The following TENM2 variants were observed in gnomAD, a reference collection of about 807,000 sequenced individuals.
The protein encoded by TENM2 is teneurin transmembrane protein 2, also known as teneurin-2.
A neutral mutation model predicts 245.2 loss-of-function variants in TENM2; 52 were observed. The observed-to-expected ratio is 0.21, with a 90% CI of 0.17 to 0.27. The LOEUF (loss-of-function observed/expected upper bound fraction) is 0.27, where lower values mean the gene tolerates loss of function less well. TENM2 is among the 10% of genes least tolerant of loss of function. The pLI is 1.00. For synonymous variants in TENM2, 1,363 were observed against 1,438.9 expected, an observed-to-expected ratio of 0.95 and a Z score of 1.19; for missense variants, 3,046 against 3,666.8, an observed-to-expected ratio of 0.83 and a Z score of 4.37.
At chr5:167,436,893 A>C (rs1764590107) in intron 2 of TENM2, among the ~76,000 whole-genome samples, 1 of 152,180 alleles carries the variant, frequency 6.6e-6, no homozygotes, top group Non-Finnish European at 1.5e-5. Context: ...CTCCGCCTAC[A>C]TTTCAGAAGA....
the TENM2 span, among the ~76,000 whole-genome samples, chr5:167,150,540 A>G: frequency 2.6e-5 from 4 of 152,228 alleles, no homozygotes; most frequent in African/African-American, 9.6e-5. Context: ...TGTCATAATA[A>G]TAGCTAACAC....
intron 2 of TENM2, among the ~76,000 whole-genome samples, chr5:167,526,494 C>G (rs1327780251): frequency 6.6e-6 from 1 of 151,908 alleles, no homozygotes; most frequent in Non-Finnish European, 1.5e-5. Flanking sequence ...GCCTATATCA[C>G]TACTTGTATA....
chr5:167,323,845 C>T (rs180949822), intron 1 of TENM2, among the ~76,000 whole-genome samples: 2 of 152,250 alleles, frequency 1.3e-5, no homozygotes, highest in African/African-American at 4.8e-5. Context: ...TCAACGTCAC[C>T]TGTGAACTTC....
chr5:167,369,610 A>G (rs1004028467), intron 1 of TENM2, among the ~76,000 whole-genome samples: 3 of 152,160 alleles, frequency 2.0e-5, no homozygotes, highest in Non-Finnish European at 2.9e-5. Flanking sequence ...AGATACTAGG[A>G]GAAAGTGGGC....
chr5:167,697,161 A>G (rs1217967794), intron 2 of TENM2, among the ~76,000 whole-genome samples: 2 of 152,182 alleles, frequency 1.3e-5, no homozygotes, highest in African/African-American at 4.8e-5. Context: ...ATGGTGCTGA[A>G]TGACCTCTCA....
intron 5 of TENM2, among the ~76,000 whole-genome samples, chr5:168,020,642 G>A (rs1280772020): frequency 2.0e-5 from 3 of 152,182 alleles, no homozygotes; most frequent in Non-Finnish European, 2.9e-5. Flanking sequence ...TCAGTGATTC[G>A]TGGTTGGGTA....
intron 3 of TENM2, chr5:167,938,082 G>A (rs1191913789): frequency 6.6e-6 from 1 of 152,164 alleles, no homozygotes; most frequent in Non-Finnish European, 1.5e-5. Context: ...AATTTGCCAT[G>A]CTCTATTATC....
chr5:167,107,869 C>A, the TENM2 span, among the ~76,000 whole-genome samples: 72 of 152,346 alleles, frequency 4.7e-4, 1 homozygote, highest in South Asian at 0.013. Flanking sequence ...GATTCAGCTG[C>A]AAGACATCCA....
the TENM2 span, among the ~76,000 whole-genome samples, chr5:167,086,663 A>G: frequency 3.9e-5 from 6 of 152,146 alleles, no homozygotes; most frequent in Admixed American, 1.3e-4. Context: ...AGATTTAGGC[A>G]TACAGAAGAC....
intron 1 of TENM2, among the ~76,000 whole-genome samples, chr5:167,300,996 G>A (rs1011016878): frequency 2.0e-5 from 3 of 152,162 alleles, no homozygotes; most frequent in Admixed American, 2.0e-4. Context: ...CAGTTATGGA[G>A]GCAAGGGAAC....
intron 9 of TENM2, among the ~76,000 whole-genome samples, chr5:168,112,809 T>C (rs1794786228): frequency 6.6e-6 from 1 of 152,156 alleles, no homozygotes; most frequent in African/African-American, 2.4e-5. Context: ...ATGACCTAAA[T>C]ATTACATCCT....
intron 2 of TENM2, among the ~76,000 whole-genome samples, chr5:167,473,487 T>A (rs1262226639): frequency 1.3e-5 from 2 of 152,230 alleles, no homozygotes; most frequent in Admixed American, 6.5e-5. Context: ...ATTCTGAATT[T>A]TTAAAAATAT....
intron 3 of TENM2, among the ~76,000 whole-genome samples, chr5:167,910,392 C>T (rs1332837213): frequency 1.3e-5 from 2 of 152,026 alleles, no homozygotes; most frequent in African/African-American, 4.8e-5. Context: ...AGCCAAAATT[C>T]CAAAACCTAG....
the TENM2 span, among the ~76,000 whole-genome samples, chr5:167,078,469 G>A: frequency 6.8e-6 from 1 of 147,370 alleles, no homozygotes; most frequent in Admixed American, 7.1e-5. Flanking sequence ...GCCAACAAGA[G>A]CAAAACTCTG....
chr5:166,985,752 G>T, the TENM2 span, among the ~76,000 whole-genome samples: 1 of 152,152 alleles, frequency 6.6e-6, no homozygotes, highest in East Asian at 1.9e-4. Flanking sequence ...ACTTCTTACA[G>T]TCTAGAGGAG....
Position 167,375,571 on chromosome 5 carries a change from A to G in TENM2, c.502+98A>G, listed in dbSNP as rs965318227. ...TTTAATGAAGCGGCGTCATAAAACCATTCATTTTCTTTGAAATCGACCTTG... is the reference window on the plus strand; with the variant it reads ...TTTAATGAAGCGGCGTCATAAAACCGTTCATTTTCTTTGAAATCGACCTTG... On this transcript the variant is annotated intron_variant, in intron 2 of 28. Transcript: ENST00000518659. The G allele has an allele frequency of 9.9e-6, 13 of 1,307,180 alleles. No individual in the cohort carries two copies. In the East Asian group the frequency reaches 2.8e-4, roughly 28 times the overall value. The allele number at this position is 1,307,180 out of a possible 1,614,324, so 81.0% of individuals were successfully genotyped here.
chr5:167,778,295 G>A (rs1763948422), intron 2 of TENM2, among the ~76,000 whole-genome samples: 2 of 152,202 alleles, frequency 1.3e-5, no homozygotes, highest in Non-Finnish European at 2.9e-5. Flanking sequence ...GAAGTGTTCT[G>A]AAAGAAGAAA....
At chr5:167,878,823 G>T (rs1314822836) in intron 3 of TENM2, among the ~76,000 whole-genome samples, 2 of 152,154 alleles carry the variant, frequency 1.3e-5, no homozygotes, top group African/African-American at 2.4e-5. Flanking sequence ...GTGGCCTTGT[G>T]TTTGGGTGTG....
the TENM2 span, among the ~76,000 whole-genome samples, chr5:167,247,166 G>A: frequency 9.2e-5 from 14 of 152,206 alleles, no homozygotes; most frequent in African/African-American, 3.4e-4. Flanking sequence ...AGAGCTAAAT[G>A]AATTCTGATG....
Sources: gnomAD v4.1 joint callset for allele counts (sites outside exome capture counted in the v4.1 genomes callset) on GRCh38, gnomAD v4.1.1 for gene constraint, MANE v1.5 for transcripts, NCBI Gene and HGNC (gene_info 2026-07-23, HGNC 2026-07-21) for gene names.